The following SSBP2 variants were observed in gnomAD, a reference collection of about 807,000 sequenced individuals.
The protein encoded by SSBP2 is single-stranded DNA-binding protein 2.
A neutral mutation model predicts 61.8 loss-of-function variants in SSBP2; 17 were observed. The ratio of observed to expected loss-of-function variants is 0.28; its 90% CI spans 0.19 to 0.41. SSBP2 has a LOEUF of 0.41. Among genes scored for constraint, SSBP2 ranks in the 10% least tolerant of loss-of-function variants. The pLI, the probability that SSBP2 is intolerant of heterozygous loss-of-function variation, is 1.00. For synonymous variants in SSBP2, 139 were observed against 141.3 expected (o/e 0.98, Z 0.12); for missense variants, 310 against 458.7 (o/e 0.68, Z 2.96).
chr5:81,559,967 AATAC>A (rs1377755529), intron 4 of SSBP2, among the ~76,000 whole-genome samples: 1 of 152,208 alleles, frequency 6.6e-6, no homozygotes, highest in Non-Finnish European at 1.5e-5. Flanking sequence ...ATACTGAGTA[AATAC>A]ATAATTTCAT....
intron 1 of SSBP2, among the ~76,000 whole-genome samples, chr5:81,711,683 C>T (rs1373966): frequency 0.19 from 26,454 of 140,982 alleles, 2,550 homozygotes; most frequent in East Asian, 0.38. Context: ...AAATTGATCA[C>T]TCTACATGAT....
rs149518528 is a variant in SSBP2 at position 81,649,496 on chromosome 5, T to C, written c.135+771A>G. On this transcript the variant is annotated intron_variant, in intron 2 of 16. Transcript: ENST00000320672. ...GCAAGATGGATTAAGCTGGAGGCCA[T>C]AATAATAAACAAATTAACACAAGAA... is the stretch of plus-strand genomic sequence containing the variant. Among the ~76,000 whole-genome samples the C allele has an allele frequency of 2.6e-5, 4 of 152,162 alleles. No homozygotes were observed. The East Asian group carries it at 7.7e-4, about 29-fold the overall frequency.
intron 2 of SSBP2, among the ~76,000 whole-genome samples, chr5:81,644,576 T>G (rs1019400595): frequency 6.6e-6 from 1 of 152,236 alleles, no homozygotes; most frequent in Non-Finnish European, 1.5e-5. Flanking sequence ...CAAGTTAATG[T>G]TGGTGCCTAT....
chr5:81,568,744 T>C (rs1368746352), intron 4 of SSBP2, among the ~76,000 whole-genome samples: 2 of 152,224 alleles, frequency 1.3e-5, no homozygotes, highest in African/African-American at 4.8e-5. Flanking sequence ...AATGTTCCCT[T>C]TGTACATATA....
intron 4 of SSBP2, among the ~76,000 whole-genome samples, chr5:81,524,412 G>A (rs1769748673): frequency 6.6e-6 from 1 of 152,026 alleles, no homozygotes; most frequent in African/African-American, 2.4e-5. Context: ...CCAGACTTCT[G>A]ACCTACAAAA....
chr5:81,551,091 ATC>A, intron 4 of SSBP2, among the ~76,000 whole-genome samples: 1 of 115,144 alleles, frequency 8.7e-6, no homozygotes, highest in African/African-American at 4.8e-5. Context: ...ACGAGACTCC[ATC>A]TCGAAAAAAA....
At chr5:81,595,005 A>C (rs1743565012) in intron 4 of SSBP2, among the ~76,000 whole-genome samples, 1 of 152,220 alleles carries the variant, frequency 6.6e-6, no homozygotes, top group South Asian at 2.1e-4. Context: ...AGCAGAACTG[A>C]AGGAAATAGA....
intron 1 of SSBP2, among the ~76,000 whole-genome samples, chr5:81,666,785 A>C (rs2153767279): frequency 6.6e-6 from 1 of 152,278 alleles, no homozygotes; most frequent in East Asian, 1.9e-4. Context: ...CTTTCTATGG[A>C]ATCTTGATAT....
Position 81,423,441 on chromosome 5 carries a change from T to C in SSBP2, c.1057-2908A>G, listed in dbSNP as rs199589830. ...ATTTCAGAAAGGACCTCAAAGGAAA[T>C]GCTTTTTAAAAATGTTTCTGGGGCT... On this transcript the variant is annotated intron_variant, in intron 16 of 16. Transcript: ENST00000320672. Among the ~76,000 whole-genome samples the C allele has an allele frequency of 1.2e-4, 19 of 152,260 alleles. No homozygotes were observed. In the East Asian group the frequency reaches 3.1e-3, roughly 25 times the overall value.
chr5:81,438,853 T>C (rs1762834477), intron 14 of SSBP2, among the ~76,000 whole-genome samples: 1 of 152,244 alleles, frequency 6.6e-6, no homozygotes, highest in Non-Finnish European at 1.5e-5. Flanking sequence ...TGTGCAATGA[T>C]GGAAATGTTT....
At chr5:81,749,819 G>A (rs1757601624) in intron 1 of SSBP2, among the ~76,000 whole-genome samples, 1 of 152,254 alleles carries the variant, frequency 6.6e-6, no homozygotes, top group East Asian at 1.9e-4. Context: ...CGGGCCGGGA[G>A]GGGCTCTGTT....
At chr5:81,726,240 A>C (rs1351270254) in intron 1 of SSBP2, among the ~76,000 whole-genome samples, 2 of 152,204 alleles carry the variant, frequency 1.3e-5, no homozygotes, top group East Asian at 1.9e-4. Context: ...CAGAAAAGAA[A>C]CACTGAACAA....
At chr5:81,611,379 G>T (rs1318497760) in intron 4 of SSBP2, among the ~76,000 whole-genome samples, 3 of 151,928 alleles carry the variant, frequency 2.0e-5, no homozygotes, top group East Asian at 1.9e-4. Flanking sequence ...AATGAAGCTG[G>T]ATAAAAAGTA....
At chr5:81,569,949 A>G (rs1447619227) in intron 4 of SSBP2, among the ~76,000 whole-genome samples, 2 of 152,230 alleles carry the variant, frequency 1.3e-5, no homozygotes, top group African/African-American at 4.8e-5. Flanking sequence ...TTTCAACTGT[A>G]TCACCCTTGA....
chr5:81,700,283 G>A (rs1479375296), intron 1 of SSBP2, among the ~76,000 whole-genome samples: 1 of 152,174 alleles, frequency 6.6e-6, no homozygotes, highest in Non-Finnish European at 1.5e-5. Context: ...AGGTGACAAA[G>A]TGCACTGTCA....
chr5:81,582,414 T>C (rs1033317778), intron 4 of SSBP2, among the ~76,000 whole-genome samples: 1 of 152,196 alleles, frequency 6.6e-6, no homozygotes, highest in Non-Finnish European at 1.5e-5. Context: ...AAACAGTTCA[T>C]ATTGAACCTA....
intron 8 of SSBP2, among the ~76,000 whole-genome samples, chr5:81,468,694 A>G (rs1765051441): frequency 6.6e-6 from 1 of 152,016 alleles, no homozygotes; most frequent in Admixed American, 6.6e-5. Context: ...GAAATAAATC[A>G]AAGAGAGCAG....
chr5:81,560,298 A>T (rs1284108646), intron 4 of SSBP2, among the ~76,000 whole-genome samples: 3 of 152,232 alleles, frequency 2.0e-5, no homozygotes, highest in Non-Finnish European at 2.9e-5. Flanking sequence ...TAACAATCAG[A>T]AGCCTTTTTA....
chr5:81,629,512 A>G (rs1410183367), intron 3 of SSBP2, among the ~76,000 whole-genome samples: 2 of 152,186 alleles, frequency 1.3e-5, no homozygotes, highest in Non-Finnish European at 2.9e-5. Flanking sequence ...ACTTGAGTGT[A>G]TGATCATCCC....
Sources: gnomAD v4.1 joint callset for allele counts (sites outside exome capture counted in the v4.1 genomes callset) on GRCh38, gnomAD v4.1.1 for gene constraint, MANE v1.5 for transcripts, NCBI Gene and HGNC (gene_info 2026-07-23, HGNC 2026-07-21) for gene names.